The following HDX variants were observed in gnomAD, a reference collection of about 807,000 sequenced individuals.
HDX encodes the protein highly divergent homeobox.
HDX carries 19 observed loss-of-function variants against 45.2 expected under a neutral mutation model. That is an observed-to-expected ratio of 0.42 (90% CI 0.29 to 0.62). HDX has a LOEUF of 0.62. Among genes scored for constraint, HDX ranks in the 20% least tolerant of loss-of-function variants. HDX has a pLI of 0.20. For missense variants in HDX, 532 were observed against 493.9 expected, an observed-to-expected ratio of 1.08 and a Z score of -0.73; for synonymous variants, 188 against 172.8, an observed-to-expected ratio of 1.09 and a Z score of -0.69.
intron 5 of HDX, among the ~76,000 whole-genome samples, chrX:84,364,639 A>G (rs2037703795): frequency 9.3e-6 from 1 of 107,341 alleles, no homozygotes; most frequent in Admixed American, 1.0e-4. Context: ...AGTAGCCAGG[A>G]CTACAGGCGC....
intron 1 of HDX, among the ~76,000 whole-genome samples, chrX:84,500,788 G>A (rs758217763): frequency 9.0e-6 from 1 of 111,713 alleles, no homozygotes; most frequent in Non-Finnish European, 1.9e-5. Context: ...AGGAAAATAA[G>A]GCTCCTGCAT....
chrX:84,361,418 T>C (rs1360432242), intron 6 of HDX, 48 bp downstream of exon 6: 1 of 1,135,075 alleles, frequency 8.8e-7, no homozygotes, highest in East Asian at 3.0e-5. Context: ...AAGCTTTCAT[T>C]TATGCCATTC....
chrX:84,397,442 C>T (rs1383594603), intron 5 of HDX, among the ~76,000 whole-genome samples: 1 of 111,657 alleles, frequency 9.0e-6, no homozygotes, highest in Non-Finnish European at 1.9e-5. Flanking sequence ...AGGCAGCTCC[C>T]TGTTAGTTGC....
At chrX:84,480,165 G>A (rs1319610895) in intron 2 of HDX, among the ~76,000 whole-genome samples, 1 of 111,326 alleles carries the variant, frequency 9.0e-6, no homozygotes, top group African/African-American at 3.3e-5. Context: ...TTCATTGCTA[G>A]TTTATTAACA....
chrX:84,354,829 A>G (rs2037436214), intron 6 of HDX, among the ~76,000 whole-genome samples: 1 of 104,697 alleles, frequency 9.6e-6, no homozygotes, highest in African/African-American at 3.5e-5. Context: ...TTTAAGAAGT[A>G]TCCAAGTTAT....
chrX:84,497,202 C>T (rs775602343), intron 1 of HDX, among the ~76,000 whole-genome samples: 3 of 111,509 alleles, frequency 2.7e-5, no homozygotes, highest in Non-Finnish European at 3.8e-5. Flanking sequence ...TACCTAGTCT[C>T]GAGAAGTTCT....
At chrX:84,394,603 C>T (rs922567364) in intron 5 of HDX, among the ~76,000 whole-genome samples, 1 of 110,599 alleles carries the variant, frequency 9.0e-6, no homozygotes, top group African/African-American at 3.3e-5. Flanking sequence ...TGTTGAAGTC[C>T]CCAGTTATTA....
At chrX:84,379,183 T>A (rs1159639420) in intron 5 of HDX, among the ~76,000 whole-genome samples, 2 of 109,540 alleles carry the variant, frequency 1.8e-5, no homozygotes, top group Non-Finnish European at 3.8e-5. Context: ...ATATATATGA[T>A]CAAATTTGAT....
At chrX:84,368,948 C>A (rs1180167786) in intron 5 of HDX, among the ~76,000 whole-genome samples, 1 of 110,774 alleles carries the variant, frequency 9.0e-6, no homozygotes, top group African/African-American at 3.3e-5. Context: ...TAATTGAGTG[C>A]CGCCACTGAT....
chrX:84,377,013 T>A (rs778367500), intron 5 of HDX, among the ~76,000 whole-genome samples: 1 of 112,266 alleles, frequency 8.9e-6, no homozygotes, highest in South Asian at 3.7e-4. Context: ...CAGCAGTGTT[T>A]GTGTCACTAC....
At chrX:84,408,500 T>G (rs12834549) in intron 5 of HDX, among the ~76,000 whole-genome samples, 1 of 51,373 alleles carries the variant, frequency 1.9e-5, no homozygotes, top group African/African-American at 6.1e-5. Flanking sequence ...TCCAGCTTTG[T>G]TTTTTTTTTT....
At chrX:84,496,748 A>G in intron 1 of HDX, among the ~76,000 whole-genome samples, 1 of 112,052 alleles carries the variant, frequency 8.9e-6, no homozygotes, top group Non-Finnish European at 1.9e-5. Context: ...TCATGTGGCT[A>G]TACTTTTGTC....
intron 5 of HDX, among the ~76,000 whole-genome samples, chrX:84,412,519 G>A (rs931030251): frequency 1.8e-5 from 2 of 111,586 alleles, no homozygotes; most frequent in Non-Finnish European, 3.8e-5. Context: ...CTGACTTGGA[G>A]AATTTTTCCT....
At chrX:84,337,616 C>T (rs2036994248) in intron 7 of HDX, among the ~76,000 whole-genome samples, 1 of 111,374 alleles carries the variant, frequency 9.0e-6, no homozygotes, top group Non-Finnish European at 1.9e-5. Flanking sequence ...CACACAGACA[C>T]ACTCCTGTAT....
At chrX:84,326,363 A>G (rs1471125050) in intron 9 of HDX, 63 bp from the exon 10 acceptor site, 2 of 838,620 alleles carry the variant, frequency 2.4e-6, no homozygotes. Flanking sequence ...TACATGTTTG[A>G]TGCACAATAA....
chrX:84,397,552 C>A (rs1486281669), intron 5 of HDX, among the ~76,000 whole-genome samples: 1 of 111,238 alleles, frequency 9.0e-6, no homozygotes, highest in Non-Finnish European at 1.9e-5. Context: ...CATTTACCCA[C>A]ATTTGGGAGT....
At chrX:84,476,360 A>G (rs1244665987) in intron 2 of HDX, among the ~76,000 whole-genome samples, 1 of 109,873 alleles carries the variant, frequency 9.1e-6, no homozygotes, top group Admixed American at 9.8e-5. Context: ...TTTTCCAAGA[A>G]AAGCGTCTCC....
intron 5 of HDX, among the ~76,000 whole-genome samples, chrX:84,362,372 G>T (rs1047274869): frequency 3.6e-5 from 4 of 111,071 alleles, no homozygotes; most frequent in African/African-American, 9.8e-5. Flanking sequence ...CTAGGTCAAA[G>T]GACTCATTCA....
chrX:84,377,434 G>C (rs2038083359), intron 5 of HDX, among the ~76,000 whole-genome samples: 1 of 111,718 alleles, frequency 9.0e-6, no homozygotes, highest in African/African-American at 3.3e-5. Flanking sequence ...TGGAGAAGCA[G>C]AGATATGTTA....
Sources: allele counts gnomAD v4.1 joint callset (sites outside exome capture counted in the v4.1 genomes callset), GRCh38; gene constraint gnomAD v4.1.1; transcripts MANE v1.5; gene names NCBI Gene and HGNC (gene_info 2026-07-23, HGNC 2026-07-21).